The following SGCE variants were observed in gnomAD, a reference collection of about 807,000 sequenced individuals.
SGCE encodes epsilon-sarcoglycan.
SGCE carries 26 observed loss-of-function variants against 57.8 expected under a neutral mutation model. The observed-to-expected ratio is 0.45, with a 90% confidence interval of 0.33 to 0.62. SGCE has a LOEUF of 0.62. Among genes scored for constraint, SGCE ranks in the 20% least tolerant of loss-of-function variants. The pLI, the probability that SGCE is intolerant of heterozygous loss-of-function variation, is 0.02. For synonymous variants in SGCE, 183 were observed against 189.5 expected, an observed-to-expected ratio of 0.97 and a Z score of 0.28; for missense variants, 468 against 548.6, an observed-to-expected ratio of 0.85 and a Z score of 1.47.
chr7:94,625,164 A>C (rs1363792508), intron 3 of SGCE: 1 of 152,026 alleles, frequency 6.6e-6, no homozygotes, highest in Non-Finnish European at 1.5e-5. Flanking sequence ...TTAGATACTT[A>C]AAATCTAAAT....
chr7:94,600,820 A>G lies in SGCE; in HGVS notation c.863T>C (p.Val288Ala), dbSNP rs1439684310. Residue 288 changes from valine to alanine, a missense_variant, in exon 7 of 11, where the codon GTG (valine) becomes GCG (alanine). Val to Ala is a moderately conservative substitution (Grantham distance 64). Coordinates refer to ENST00000648936, the MANE Select transcript of SGCE (RefSeq NM_003919.3). ...AGGTAAAATCCCCTCTCCACGAATC[A>G]CTTCCTGATAGGTGGACACTTGCTT... ...KTKQVSTYQE[V>A]IRGEGILPDG... 6.2e-7 allele frequency: 1 copy of G among 1,612,594 alleles called. No individual in the cohort carries two copies. Among genetic ancestry groups the G allele is most frequent in the Non-Finnish European group, 8.5e-7 (1 of 1,179,540 alleles).
intron 5 of SGCE, among the ~76,000 whole-genome samples, chr7:94,613,077 T>A (rs1801306234): frequency 6.6e-6 from 1 of 152,204 alleles, no homozygotes; most frequent in Non-Finnish European, 1.5e-5. Context: ...GGTAGCCTAC[T>A]GGCTAAATGA....
intron 9 of SGCE, among the ~76,000 whole-genome samples, chr7:94,595,873 G>A (rs1227938995): frequency 6.6e-6 from 1 of 151,986 alleles, no homozygotes; most frequent in African/African-American, 2.4e-5. Context: ...ATAAAAGAAA[G>A]ATAATATACA....
intron 1 of SGCE, among the ~76,000 whole-genome samples, chr7:94,642,477 A>G (rs1365595473): frequency 6.6e-6 from 1 of 152,100 alleles, no homozygotes; most frequent in Non-Finnish European, 1.5e-5. Flanking sequence ...ATTCACATGT[A>G]CCCCCAAAAT....
intron 10 of SGCE, chr7:94,588,228 T>C (rs1450006228): frequency 9.5e-7 from 1 of 1,051,258 alleles, no homozygotes; most frequent in African/African-American, 1.7e-5. Flanking sequence ...ATAACAGCTT[T>C]TTAAAGCGGC....
At chr7:94,623,714 T>C (rs137929415) in intron 3 of SGCE, 117 of 408,000 alleles carry the variant, frequency 2.9e-4, no homozygotes, top group African/African-American at 2.2e-3. Flanking sequence ...TATGAATTAC[T>C]TACCAGTGAT....
At chr7:94,652,390 A>C (rs1243082936) in intron 1 of SGCE, among the ~76,000 whole-genome samples, 1 of 152,206 alleles carries the variant, frequency 6.6e-6, no homozygotes, top group Non-Finnish European at 1.5e-5. Flanking sequence ...TTTTGGAGAA[A>C]ATGTGATCTA....
rs114902421 is a variant in SGCE at position 94,595,020 on chromosome 7, C to T, written c.1253+3755G>A. On this transcript the variant is annotated intron_variant, in intron 9 of 10. Transcript: ENST00000648936. ...CAGAGATCCTTCTGAGGTCAATGACCGACACTATCTATCCCTGCCTAGATA... is the reference window on the plus strand; with the variant it reads ...CAGAGATCCTTCTGAGGTCAATGACTGACACTATCTATCCCTGCCTAGATA... Among the ~76,000 whole-genome samples the T allele has an allele frequency of 4.4e-3, 672 of 152,134 alleles. 4 individuals carry two copies. The highest frequency in any genetic ancestry group is 0.015 in the African/African-American group (629 of 41,524).
Position 94,643,919 on chromosome 7 carries a change from C to T in SGCE, c.109+12071G>A, listed in dbSNP as rs941511702. ...AATATGTATCCTACCTACAACTTTT[C>T]AAGATTAAATCTAATGTGTAAAGAT... On this transcript the variant is annotated intron_variant, in intron 1 of 10. Transcript: ENST00000648936. 4.6e-5 allele frequency among the ~76,000 whole-genome samples: 7 copies of T among 152,106 alleles called. 1 individual carries two copies. The highest frequency in any genetic ancestry group is 1.3e-4 in the Admixed American group (2 of 15,264).
chr7:94,644,601 C>T, intron 1 of SGCE: 1 of 1,256,320 alleles, frequency 8.0e-7, no homozygotes, highest in South Asian at 1.3e-5. Flanking sequence ...GATTATCATA[C>T]TCACCTTAAA....
intron 2 of SGCE, 119 bp from the exon 3 acceptor site, chr7:94,628,478 A>G (rs1214098410): frequency 5.3e-6 from 4 of 752,930 alleles, no homozygotes; most frequent in Middle Eastern, 3.7e-4. Flanking sequence ...CCAACTAAAT[A>G]CACACATACA....
intron 5 of SGCE, among the ~76,000 whole-genome samples, chr7:94,605,137 G>A (rs1049321989): frequency 9.2e-5 from 14 of 151,920 alleles, no homozygotes; most frequent in Non-Finnish European, 1.6e-4. Flanking sequence ...AAAAAGCACA[G>A]TTTGAAAAGA....
At chr7:94,629,020 A>C (rs1340177784) in intron 2 of SGCE, 4 of 152,258 alleles carry the variant, frequency 2.6e-5, no homozygotes, top group Admixed American at 1.3e-4. Context: ...TTCATCATAT[A>C]ATCTTCAAAA....
intron 3 of SGCE, chr7:94,625,058 T>C (rs1203767529): frequency 6.6e-6 from 1 of 152,020 alleles, no homozygotes; most frequent in East Asian, 1.9e-4. Context: ...CTTATTATGA[T>C]GATGTGAAGA....
chr7:94,588,523 A>T, intron 10 of SGCE, 166 bp downstream of exon 10: 2 of 1,453,020 alleles, frequency 1.4e-6, no homozygotes, highest in Non-Finnish European at 1.8e-6. Context: ...CAATCTATGT[A>T]ATAATCTAAG....
chr7:94,593,588 T>G (rs1013871570), intron 9 of SGCE, among the ~76,000 whole-genome samples: 6 of 152,164 alleles, frequency 3.9e-5, no homozygotes, highest in Middle Eastern at 3.4e-3. Context: ...ATAACATTTT[T>G]TCAATGGCTT....
chr7:94,647,509 C>T (rs533704405), intron 1 of SGCE, among the ~76,000 whole-genome samples: 62 of 152,330 alleles, frequency 4.1e-4, no homozygotes, highest in African/African-American at 1.5e-3. Context: ...AGCTAAAGTG[C>T]TCTTTTTGAA....
At chr7:94,624,280 T>C (rs1803347295) in intron 3 of SGCE, 1 of 397,854 alleles carries the variant, frequency 2.5e-6, no homozygotes. Context: ...AAAACTGACT[T>C]CAACTAAAAA....
At chr7:94,595,947 G>A (rs2116642612) in intron 9 of SGCE, among the ~76,000 whole-genome samples, 1 of 152,234 alleles carries the variant, frequency 6.6e-6, no homozygotes, top group Middle Eastern at 3.4e-3. Context: ...CGCACTTGAT[G>A]ATCCTGCAGT....
Sources: gnomAD v4.1 joint callset for allele counts (sites outside exome capture counted in the v4.1 genomes callset) on GRCh38, gnomAD v4.1.1 for gene constraint, MANE v1.5 for transcripts, NCBI Gene and HGNC (gene_info 2026-07-23, HGNC 2026-07-21) for gene names.